The following SGCD variants were observed in gnomAD, a reference collection of about 807,000 sequenced individuals.
The protein encoded by SGCD is sarcoglycan delta.
A neutral mutation model predicts 36.6 loss-of-function variants in SGCD; 18 were observed. The ratio of observed to expected loss-of-function variants is 0.49; its 90% confidence interval spans 0.34 to 0.73. The LOEUF is 0.73. SGCD is among the 30% of genes least tolerant of loss of function. The pLI is 0.01. For missense variants in SGCD, 387 were observed against 346.7 expected (o/e 1.12, Z -0.92); for synonymous variants, 133 against 130.6 (o/e 1.02, Z -0.12).
rs1757392156 is a variant in SGCD at position 156,757,653 on chromosome 5, T to C, written c.648T>C (p.Asn216=). 4.3e-6 allele frequency: 7 copies of C among 1,610,412 alleles called. No homozygotes were observed. The highest frequency in any genetic ancestry group is 4.5e-5 in the East Asian group (2 of 44,800). The change falls in exon 8 of 9, where the codon AAT becomes AAC. Residue 216 remains asparagine, a synonymous_variant. Transcript: ENST00000337851. ...KGVEINAEAG[N]MEATCRTELR... is the part of the protein sequence containing the mutation. ...TGGAAATCAATGCAGAAGCTGGCAA[T>C]ATGGAAGCCACCTGCAGGACAGAGC...
chr5:156,654,474 G>A (rs1284351258), intron 7 of SGCD, among the ~76,000 whole-genome samples: 3 of 152,208 alleles, frequency 2.0e-5, no homozygotes, highest in Admixed American at 6.6e-5. Context: ...CTCAGGGAAG[G>A]AACCAATGGT....
At chr5:156,351,356 C>G (rs778429192) in intron 3 of SGCD, among the ~76,000 whole-genome samples, 1 of 151,950 alleles carries the variant, frequency 6.6e-6, no homozygotes, top group African/African-American at 2.4e-5. Flanking sequence ...CATGAGAGAC[C>G]CTTCATGACA....
At chr5:156,221,460 G>T (rs1764713540) in intron 3 of SGCD, among the ~76,000 whole-genome samples, 1 of 151,930 alleles carries the variant, frequency 6.6e-6, no homozygotes, top group Non-Finnish European at 1.5e-5. Flanking sequence ...CCTGAGTAGA[G>T]CTTTGGCAAA....
chr5:156,026,208 G>T (rs1398499619), intron 1 of SGCD, among the ~76,000 whole-genome samples: 1 of 152,134 alleles, frequency 6.6e-6, no homozygotes, highest in South Asian at 2.1e-4. Context: ...CAAATATCAG[G>T]CAACATATTT....
intron 3 of SGCD, among the ~76,000 whole-genome samples, chr5:156,385,406 G>A (rs957007301): frequency 1.3e-5 from 2 of 152,206 alleles, no homozygotes; most frequent in African/African-American, 4.8e-5. Context: ...CAAGTAAGAA[G>A]TTAAATAAGA....
intron 3 of SGCD, among the ~76,000 whole-genome samples, chr5:156,367,026 G>C (rs1406665442): frequency 6.6e-6 from 1 of 152,126 alleles, no homozygotes; most frequent in Admixed American, 6.5e-5. Flanking sequence ...GTTTGTGCCA[G>C]CCAACTAATA....
intron 7 of SGCD, among the ~76,000 whole-genome samples, chr5:156,712,427 T>C (rs889178847): frequency 3.3e-5 from 5 of 152,216 alleles, no homozygotes; most frequent in Admixed American, 6.5e-5. Flanking sequence ...TATGAAGTCA[T>C]ATTCAAAAAA....
chr5:155,832,513 G>T, the SGCD span, among the ~76,000 whole-genome samples: 3 of 152,040 alleles, frequency 2.0e-5, no homozygotes, highest in South Asian at 2.1e-4. Flanking sequence ...AGGATACAAC[G>T]CAAGCATTGC....
At chr5:156,702,077 G>C (rs1754549319) in intron 7 of SGCD, among the ~76,000 whole-genome samples, 2 of 152,200 alleles carry the variant, frequency 1.3e-5, no homozygotes, top group Admixed American at 6.5e-5. Context: ...TTGTATGTAA[G>C]AATGAGGCTT....
chr5:156,291,081 G>A (rs1047624598), intron 3 of SGCD, among the ~76,000 whole-genome samples: 1 of 152,096 alleles, frequency 6.6e-6, no homozygotes, highest in Non-Finnish European at 1.5e-5. Flanking sequence ...AACTCTACAT[G>A]ACTCTGCCAT....
chr5:156,032,643 G>A (rs1203200299), intron 1 of SGCD, among the ~76,000 whole-genome samples: 10 of 145,046 alleles, frequency 6.9e-5, no homozygotes, highest in Non-Finnish European at 1.2e-4. Context: ...GCATGAACCC[G>A]GGAGGTGGAG....
chr5:156,176,376 A>T (rs993879729), intron 3 of SGCD, among the ~76,000 whole-genome samples: 1 of 152,170 alleles, frequency 6.6e-6, no homozygotes, highest in Non-Finnish European at 1.5e-5. Context: ...AATGGGAAAA[A>T]ATAGGTTAGG....
At chr5:156,649,558 G>GT (rs1017281709) in intron 7 of SGCD, among the ~76,000 whole-genome samples, 1 of 152,112 alleles carries the variant, frequency 6.6e-6, no homozygotes, top group African/African-American at 2.4e-5. Flanking sequence ...CATGTCCTTT[G>GT]TAGGGACATG....
At chr5:156,504,392 GTATATATATATA>G (rs59580975) in intron 3 of SGCD, among the ~76,000 whole-genome samples, 2,563 of 75,086 alleles carry the variant, frequency 0.034, 29 homozygotes, top group Non-Finnish European at 0.066. Flanking sequence ...GTGTGTGTGT[GTATATATATATA>G]TATATATATA....
At chr5:155,855,517 A>AT in the SGCD span, among the ~76,000 whole-genome samples, 1 of 152,116 alleles carries the variant, frequency 6.6e-6, no homozygotes, top group Non-Finnish European at 1.5e-5. Flanking sequence ...TAAGCTGGTT[A>AT]TTTTTCCAAA....
At chr5:156,174,363 A>C (rs557824473) in intron 3 of SGCD, among the ~76,000 whole-genome samples, 1 of 152,314 alleles carries the variant, frequency 6.6e-6, no homozygotes, top group Admixed American at 6.5e-5. Context: ...TGGAGGAACC[A>C]GCCAAGTGTG....
chr5:156,641,433 A>G (rs1477637264), intron 6 of SGCD, among the ~76,000 whole-genome samples: 1 of 152,238 alleles, frequency 6.6e-6, no homozygotes, highest in Non-Finnish European at 1.5e-5. Context: ...TATCTTGCAC[A>G]GAAGATAGTG....
intron 3 of SGCD, among the ~76,000 whole-genome samples, chr5:156,298,454 C>T (rs1477888891): frequency 2.6e-5 from 4 of 152,082 alleles, no homozygotes; most frequent in Admixed American, 6.6e-5. Context: ...TGGATAAAAG[C>T]CATTCTAACT....
intron 4 of SGCD, among the ~76,000 whole-genome samples, chr5:156,572,250 T>G (rs1322302023): frequency 6.6e-6 from 1 of 152,220 alleles, no homozygotes; most frequent in East Asian, 1.9e-4. Context: ...TCCAATTCTT[T>G]CTGGTATATA....
Sources: gnomAD v4.1 joint callset for allele counts (sites outside exome capture counted in the v4.1 genomes callset) on GRCh38, gnomAD v4.1.1 for gene constraint, MANE v1.5 for transcripts, NCBI Gene and HGNC (gene_info 2026-07-23, HGNC 2026-07-21) for gene names.